The following NAALADL2 variants were observed in gnomAD, a reference collection of about 807,000 sequenced individuals.
NAALADL2 encodes N-acetylated alpha-linked acidic dipeptidase like 2, also known as inactive N-acetylated-alpha-linked acidic dipeptidase-like protein 2.
In NAALADL2, 76 loss-of-function variants were observed where a neutral mutation model predicts 87.2. The ratio of observed to expected loss-of-function variants is 0.87; its 90% CI spans 0.72 to 1.05. The LOEUF (loss-of-function observed/expected upper bound fraction) is 1.05, where lower values mean the gene tolerates loss of function less well. Ranked by LOEUF, NAALADL2 falls within the 50% of genes least tolerant of loss-of-function variation. The pLI is 0.00. For missense variants in NAALADL2, 1,089 were observed against 945.8 expected, an observed-to-expected ratio of 1.15 and a Z score of -1.99; for synonymous variants, 354 against 331.0, an observed-to-expected ratio of 1.07 and a Z score of -0.75.
chr3:174,667,717 T>C (rs1726106976), intron 2 of NAALADL2, among the ~76,000 whole-genome samples: 1 of 151,930 alleles, frequency 6.6e-6, no homozygotes, highest in South Asian at 2.1e-4. Context: ...TCTAAGCTCA[T>C]AATTAGGTGA....
intron 1 of NAALADL2, among the ~76,000 whole-genome samples, chr3:175,029,835 A>G (rs1196242209): frequency 6.6e-6 from 1 of 152,080 alleles, no homozygotes; most frequent in Non-Finnish European, 1.5e-5. Flanking sequence ...CTCAAAGGAC[A>G]TTATCTGTGT....
intron 1 of NAALADL2, among the ~76,000 whole-genome samples, chr3:175,006,001 G>T (rs1243442684): frequency 6.6e-6 from 1 of 152,112 alleles, no homozygotes; most frequent in Non-Finnish European, 1.5e-5. Context: ...CTGTGGTTAC[G>T]ATGTGCGCGG....
intron 5 of NAALADL2, among the ~76,000 whole-genome samples, chr3:175,325,017 CA>C (rs147969666): frequency 0.028 from 4,323 of 152,262 alleles, 186 homozygotes; most frequent in African/African-American, 0.1. Flanking sequence ...TCTGTTCATT[CA>C]ACCTGGCTGA....
chr3:174,646,251 C>T (rs1723771558), intron 2 of NAALADL2, among the ~76,000 whole-genome samples: 1 of 151,980 alleles, frequency 6.6e-6, no homozygotes, highest in South Asian at 2.1e-4. Flanking sequence ...TTCTGTAGTT[C>T]TGGTATGGCT....
intron 11 of NAALADL2, among the ~76,000 whole-genome samples, chr3:175,655,789 G>A (rs182391905): frequency 3.3e-5 from 5 of 152,168 alleles, no homozygotes; most frequent in Non-Finnish European, 5.9e-5. Context: ...TTAGACTACC[G>A]TTACTTTTCC....
At chr3:175,108,335 C>A (rs1466395653) in intron 2 of NAALADL2, among the ~76,000 whole-genome samples, 1 of 151,780 alleles carries the variant, frequency 6.6e-6, no homozygotes, top group Non-Finnish European at 1.5e-5. Context: ...ATCAAATTAC[C>A]TTTTTATAAA....
At chr3:174,613,090 G>C (rs138688653) in intron 2 of NAALADL2, among the ~76,000 whole-genome samples, 1 of 152,286 alleles carries the variant, frequency 6.6e-6, no homozygotes, top group African/African-American at 2.4e-5. Flanking sequence ...GAATTCTTTG[G>C]ATTGCCAGGC....
intron 10 of NAALADL2, among the ~76,000 whole-genome samples, chr3:175,620,593 CAG>C (rs1726078172): frequency 6.6e-6 from 1 of 152,170 alleles, no homozygotes; most frequent in African/African-American, 2.4e-5. Context: ...GAGTAACACT[CAG>C]TGGCTTTTTC....
chr3:175,791,125 C>T (rs549212917), intron 13 of NAALADL2, among the ~76,000 whole-genome samples: 177 of 152,252 alleles, frequency 1.2e-3, no homozygotes, highest in Admixed American at 2.0e-3. Context: ...ATTCCTAGAA[C>T]ATTGTAGAAT....
intron 1 of NAALADL2, among the ~76,000 whole-genome samples, chr3:175,026,527 T>G (rs143723340): frequency 0.023 from 3,427 of 149,242 alleles, 52 homozygotes; most frequent in Non-Finnish European, 0.034. Flanking sequence ...TGGTGGCGCA[T>G]GCCTGTAATC....
chr3:175,708,927 A>G (rs1456579793), intron 11 of NAALADL2, among the ~76,000 whole-genome samples: 6 of 152,090 alleles, frequency 3.9e-5, no homozygotes, highest in Non-Finnish European at 8.8e-5. Flanking sequence ...CTACTCATGT[A>G]CATTGTCTCC....
intron 7 of NAALADL2, among the ~76,000 whole-genome samples, chr3:175,464,423 CAA>C (rs11299560): frequency 0.057 from 5,491 of 97,098 alleles, 241 homozygotes; most frequent in East Asian, 0.19. Context: ...GACTCCATCT[CAA>C]AAAAAAAAAA....
chr3:175,530,858 C>A (rs940677405), intron 9 of NAALADL2, among the ~76,000 whole-genome samples: 11 of 152,164 alleles, frequency 7.2e-5, no homozygotes, highest in Admixed American at 6.6e-4. Flanking sequence ...ATGGGCAGTT[C>A]AGGTCATGTG....
At chr3:175,265,537 A>G (rs895622712) in intron 4 of NAALADL2, among the ~76,000 whole-genome samples, 2 of 151,548 alleles carry the variant, frequency 1.3e-5, no homozygotes, top group African/African-American at 2.4e-5. Flanking sequence ...TATTATTACT[A>G]TCTTGCTTAA....
At chr3:175,413,452 C>A (rs1299998898) in intron 5 of NAALADL2, among the ~76,000 whole-genome samples, 3 of 151,064 alleles carry the variant, frequency 2.0e-5, no homozygotes, top group Non-Finnish European at 2.9e-5. Flanking sequence ...CACCTGTAGG[C>A]CCAGCTACTC....
chr3:175,629,866 A>G (rs1239832445), intron 11 of NAALADL2, among the ~76,000 whole-genome samples: 2 of 151,760 alleles, frequency 1.3e-5, no homozygotes, highest in African/African-American at 2.4e-5. Flanking sequence ...TAGAGAGAAG[A>G]TAACAAATTT....
intron 5 of NAALADL2, among the ~76,000 whole-genome samples, chr3:175,334,210 T>C (rs1274323460): frequency 1.3e-5 from 2 of 152,078 alleles, no homozygotes; most frequent in African/African-American, 2.4e-5. Context: ...GTGTTTTAAG[T>C]CCTCTCGATG....
intron 13 of NAALADL2, among the ~76,000 whole-genome samples, chr3:175,761,198 T>C (rs183406262): frequency 1.1e-4 from 17 of 150,874 alleles, no homozygotes; most frequent in African/African-American, 4.0e-4. Flanking sequence ...TAAAAATCTC[T>C]TGTGCCCCAC....
intron 5 of NAALADL2, among the ~76,000 whole-genome samples, chr3:175,385,170 A>C (rs777605667): frequency 6.6e-6 from 1 of 152,142 alleles, no homozygotes; most frequent in Non-Finnish European, 1.5e-5. Flanking sequence ...TGTCTAAATG[A>C]AGGCCCAATG....
Sources: allele counts gnomAD v4.1 joint callset (sites outside exome capture counted in the v4.1 genomes callset), GRCh38; gene constraint gnomAD v4.1.1; transcripts MANE v1.5; gene names NCBI Gene and HGNC (gene_info 2026-07-23, HGNC 2026-07-21).